ZNF672: variants seen among roughly 807,000 people sequenced by gnomAD.
ZNF672 encodes the protein hypothetical protein FLJ22301.
For synonymous variants in ZNF672, 358 were observed against 305.6 expected (o/e 1.17, Z -1.79); for missense variants, 733 against 701.1 (o/e 1.05, Z -0.51).
rs1347588275 is a variant in ZNF672 at position 248,844,498 on chromosome 1, G to C, written c.-459G>C. 2.6e-5 allele frequency: 4 copies of C among 152,146 alleles called. No individual in the cohort carries two copies. The highest frequency in any genetic ancestry group is 9.7e-5 in the African/African-American group (4 of 41,412). 9.4% of individuals were successfully genotyped at this position (152,146 alleles called of 1,614,324 possible). A position where few individuals can be genotyped will look rare whatever the true frequency, so the allele number is the denominator to read the frequency against. ...TTTCTTTCAGGTTTCCACTTCAAGC[G>C]TGACCCTTTTGCCTGTGGGATGAGC... On this transcript the variant is annotated 5_prime_UTR_variant, in exon 2 of 4. Coordinates refer to ENST00000306562, the MANE Select transcript of ZNF672 (RefSeq NM_024836.3).
Position 248,840,562 on chromosome 1 carries a change from T to C in ZNF672, c.-475+2011T>C, listed in dbSNP as rs375657164. Among the ~76,000 whole-genome samples the C allele has an allele frequency of 5.9e-5, 9 of 152,412 alleles. No homozygotes were observed. In the East Asian group the frequency reaches 1.5e-3, roughly 26 times the overall value. ...CAAAGCAGAATATTTGTATGTGCAG[T>C]GCACAGTGCTGTGGAGGATATGATG... On this transcript the variant is annotated intron_variant, in intron 1 of 3. Coordinates refer to ENST00000306562, the MANE Select transcript of ZNF672 (RefSeq NM_024836.3).
Position 248,842,152 on chromosome 1 carries a change from A to G in ZNF672, c.-474-2331A>G, listed in dbSNP as rs113327690. ...GTTCCCCATCCGCACCTCCTAGAAT[A>G]GGGCTGAAGTCTGTCCAGAGTGGAG... On this transcript the variant is annotated intron_variant, in intron 1 of 3. Coordinates refer to ENST00000306562, the MANE Select transcript of ZNF672 (RefSeq NM_024836.3). 9.2e-5 allele frequency among the ~76,000 whole-genome samples: 14 copies of G among 152,206 alleles called. 1 individual carries two copies. The highest frequency in any genetic ancestry group is 2.6e-4 in the African/African-American group (11 of 41,540).
intron 1 of ZNF672, among the ~76,000 whole-genome samples, chr1:248,839,713 GC>G (rs1451574460): frequency 1.3e-5 from 2 of 149,744 alleles, no homozygotes; most frequent in East Asian, 3.9e-4. Context: ...CCGGGCAACC[GC>G]AATTCTCAGT....
chr1:248,838,745 A>C (rs1664617759), intron 1 of ZNF672, 194 bp downstream of exon 1: 1 of 152,296 alleles, frequency 6.6e-6, no homozygotes, highest in African/African-American at 2.4e-5. Context: ...TGCTCCTCCC[A>C]GGCCTTCCCC....
Position 248,848,824 on chromosome 1 carries a change from C to T in ZNF672, c.*191C>T, listed in dbSNP as rs1187344809. On this transcript the variant is annotated 3_prime_UTR_variant, in exon 4 of 4. Transcript: ENST00000306562. ...CCTCTACACCTACTACCCTGTCGGC[C>T]CTTTTGCCATGCTGTCCTCGTATAA... The T allele has an allele frequency of 1.2e-6, 1 of 863,692 alleles. No homozygotes were observed. The highest frequency in any genetic ancestry group is 1.9e-6 in the Non-Finnish European group (1 of 520,294). The allele number at this position is 863,692 out of a possible 1,614,324, so 53.5% of individuals were successfully genotyped here. A position where few individuals can be genotyped will look rare whatever the true frequency, so the allele number is the denominator to read the frequency against.
chr1:248,843,183 C>A (rs1249895144), intron 1 of ZNF672, among the ~76,000 whole-genome samples: 1 of 152,142 alleles, frequency 6.6e-6, no homozygotes, highest in African/African-American at 2.4e-5. Context: ...ACTGGACGAG[C>A]CTGTATAGGA....
Position 248,848,694 on chromosome 1 carries a change from C to G in ZNF672, c.*61C>G, listed in dbSNP as rs1321782476. On this transcript the variant is annotated 3_prime_UTR_variant, in exon 4 of 4. Coordinates refer to ENST00000306562, the MANE Select transcript of ZNF672 (RefSeq NM_024836.3). ...TTGGGCAAGCACCTATATAGTATCA[C>G]GGGGACAGTTGAGGCAACTCGTAGA... 3 of 1,507,960 alleles carry G rather than the reference C, an allele frequency of 2.0e-6. No homozygotes were observed. The highest frequency in any genetic ancestry group is 1.4e-5 in the African/African-American group (1 of 71,514). 93.4% of individuals were successfully genotyped at this position (1,507,960 alleles called of 1,614,324 possible).
At chr1:248,843,391 C>G (rs1169357350) in intron 1 of ZNF672, among the ~76,000 whole-genome samples, 1 of 152,170 alleles carries the variant, frequency 6.6e-6, no homozygotes, top group Non-Finnish European at 1.5e-5. Context: ...CCTACCAGGT[C>G]TAGGTGTCCA....
chr1:248,847,769 C>T lies in ZNF672; in HGVS notation c.495C>T (p.Cys165=), dbSNP rs1236136679. Residue 165 remains cysteine (C), a synonymous_variant, in exon 4 of 4, where the codon TGC becomes TGT. Transcript: ENST00000306562. The stretch of plus-strand genomic sequence containing the variant: ...ACCCTGCTGCCCCACCCCACCGCTG[C>T]GCGCAGTGCCCGCGAGCCTTCCGAA... ...TSDPAAPPHR[C]AQCPRAFRSG... The T allele has an allele frequency of 2.0e-6, 3 of 1,516,920 alleles. No individual in the cohort carries two copies. The highest frequency in any genetic ancestry group is 2.0e-5 in the Admixed American group (1 of 50,424). 94.0% of individuals were successfully genotyped at this position (1,516,920 alleles called of 1,614,324 possible).
chr1:248,848,446 GCGAA>G lies in ZNF672; in HGVS notation c.1175_1178del (p.Glu392GlyfsTer62), dbSNP rs750011218. On this transcript the variant is annotated frameshift_variant, in exon 4 of 4. Transcript: ENST00000306562. LOFTEE classifies it low-confidence loss of function (END_TRUNC). The stretch of plus-strand genomic sequence containing the variant: ...GCACTGCACCGCAAGACGCACCTGG[GCGAA>G]CGGCCAGCGGAGTGCGCAGAGTGCG... The G allele has an allele frequency of 6.2e-7, 1 of 1,607,946 alleles. No individual in the cohort carries two copies. The highest frequency in any genetic ancestry group is 1.7e-5 in the Admixed American group (1 of 59,932).
intron 1 of ZNF672, among the ~76,000 whole-genome samples, chr1:248,840,957 G>A (rs1277353571): frequency 6.6e-6 from 1 of 151,650 alleles, no homozygotes; most frequent in Non-Finnish European, 1.5e-5. Flanking sequence ...TGCTGTGGAG[G>A]GTACGATGAC....
rs371348856 is a variant in ZNF672 at position 248,848,094 on chromosome 1, C to T, written c.820C>T (p.Arg274Trp). 58 of 1,549,610 alleles carry T rather than the reference C, an allele frequency of 3.7e-5. No homozygotes were observed. Among genetic ancestry groups the T allele is most frequent in the African/African-American group, 6.8e-5 (5 of 73,036 alleles). The change falls in exon 4 of 4, where the codon CGG (arginine) becomes TGG (tryptophan). Residue 274 changes from arginine to tryptophan, a missense_variant. Arg to Trp is a moderately radical substitution (Grantham distance 101). Coordinates refer to ENST00000306562, the MANE Select transcript of ZNF672 (RefSeq NM_024836.3). ...FSESSTLLRH[R>W]RSHQGERPHA... ...CGAGAGTTCCACGCTGCTGCGCCAT[C>T]GGCGCAGCCATCAGGGCGAGCGGCC...
In ZNF672 at chr1:248,838,516, G is replaced by C. The variant is rs1255246560; in HGVS notation, c.-510G>C. Reference sequence around the variant, plus strand: ...CGGGGGTCGGCAGCCGGCTGAGTGGGAACCGCGCGGTGTCTGAGGAGGCAG... The same window carrying C: ...CGGGGGTCGGCAGCCGGCTGAGTGGCAACCGCGCGGTGTCTGAGGAGGCAG... On this transcript the variant is annotated 5_prime_UTR_variant, in exon 1 of 4. Coordinates refer to ENST00000306562, the MANE Select transcript of ZNF672 (RefSeq NM_024836.3). 2 of 152,394 alleles carry C rather than the reference G, an allele frequency of 1.3e-5. No homozygotes were observed. The highest frequency in any genetic ancestry group is 2.9e-5 in the Non-Finnish European group (2 of 68,174). 9.4% of individuals were successfully genotyped at this position (152,394 alleles called of 1,614,324 possible).
At chr1:248,846,172 A>G (rs764897418) in intron 3 of ZNF672, among the ~76,000 whole-genome samples, 3 of 152,200 alleles carry the variant, frequency 2.0e-5, no homozygotes, top group Non-Finnish European at 4.4e-5. Context: ...TTCATAAACA[A>G]TATGTTTTTC....
chr1:248,847,445 C>T lies in ZNF672; in HGVS notation c.171C>T (p.Leu57=), dbSNP rs142051010. The T allele has an allele frequency of 1.9e-6, 3 of 1,591,058 alleles. No individual in the cohort carries two copies. In the African/African-American group the frequency reaches 4.0e-5, roughly 21 times the overall value. Residue 57 remains leucine (L), a synonymous_variant, in exon 4 of 4, where the codon CTC becomes CTT. Coordinates refer to ENST00000306562, the MANE Select transcript of ZNF672 (RefSeq NM_024836.3). ...CGERCARAAD[L]RAHRRTHAGQ... ...AGCGCTGTGCACGGGCTGCTGACCT[C>T]CGAGCGCACAGGCGCACGCATGCTG...
At position 248,847,379 on chromosome 1, in the gene ZNF672, T is replaced by C. The variant is rs758065297; in HGVS notation, c.105T>C (p.Ala35=). The part of the protein sequence containing the change: ...YSSVLLRHER[A]HGGDGRFRCL... ...CAGTGCTGCTGCGACATGAACGAGCTCACGGCGGTGACGGCCGCTTCCGTT... is the reference window on the plus strand; with the variant it reads ...CAGTGCTGCTGCGACATGAACGAGCCCACGGCGGTGACGGCCGCTTCCGTT... Residue 35 remains alanine, a synonymous_variant, in exon 4 of 4, where the codon GCT becomes GCC. Transcript: ENST00000306562. The C allele has an allele frequency of 6.2e-7, 1 of 1,608,934 alleles. No individual in the cohort carries two copies. The highest frequency in any genetic ancestry group is 1.7e-5 in the Admixed American group (1 of 59,368).
At position 248,848,369 on chromosome 1, in the gene ZNF672, G is replaced by A. The variant is rs12036787; in HGVS notation, c.1095G>A (p.Lys365=). The A allele has an allele frequency of 2.1e-5, 33 of 1,602,332 alleles. No individual in the cohort carries two copies. The highest frequency in any genetic ancestry group is 2.7e-5 in the Non-Finnish European group (32 of 1,179,790). The part of the protein sequence containing the change: ...NVHRRNHAGH[K]PHKCPECSKA... ...ATCGGCGCAACCATGCCGGCCACAAGCCACACAAATGCCCCGAGTGCAGCA... is the reference window on the plus strand; with the variant it reads ...ATCGGCGCAACCATGCCGGCCACAAACCACACAAATGCCCCGAGTGCAGCA... The change falls in exon 4 of 4, where the codon AAG becomes AAA. Residue 365 remains lysine, a synonymous_variant. Transcript: ENST00000306562.
intron 3 of ZNF672, 92 bp from the exon 4 acceptor site, chr1:248,846,960 C>T (rs1664769962): frequency 6.4e-6 from 2 of 314,064 alleles, no homozygotes; most frequent in South Asian, 5.8e-5. Context: ...AGATGGACTA[C>T]CTAAAGAAGT....
At chr1:248,845,929 A>C (rs2103029417) in intron 3 of ZNF672, among the ~76,000 whole-genome samples, 1 of 152,278 alleles carries the variant, frequency 6.6e-6, no homozygotes, top group East Asian at 1.9e-4. Context: ...CCAGGTGAGG[A>C]GGGCAGCCAC....
Sources: gnomAD v4.1 joint callset for allele counts (sites outside exome capture counted in the v4.1 genomes callset) on GRCh38, gnomAD v4.1.1 for gene constraint, MANE v1.5 for transcripts, NCBI Gene and HGNC (gene_info 2026-07-23, HGNC 2026-07-21) for gene names.